The following NCOR2 variants were observed in gnomAD, a reference collection of about 807,000 sequenced individuals.
The protein encoded by NCOR2 is CTG repeat protein 26.
In NCOR2, 81 loss-of-function variants were observed where a neutral mutation model predicts 262.9. The observed-to-expected ratio is 0.31, with a 90% confidence interval of 0.26 to 0.37. NCOR2 has a LOEUF of 0.37. Ranked by LOEUF, NCOR2 falls within the 10% of genes least tolerant of loss-of-function variation. The pLI is 1.00. For synonymous variants in NCOR2, 1,659 were observed against 1,559.3 expected, an observed-to-expected ratio of 1.06 and a Z score of -1.51; for missense variants, 3,385 against 3,621.4, an observed-to-expected ratio of 0.93 and a Z score of 1.68.
chr12:124,510,667 G>A (rs750099721), intron 1 of NCOR2, among the ~76,000 whole-genome samples: 1 of 152,196 alleles, frequency 6.6e-6, no homozygotes, highest in African/African-American at 2.4e-5. Context: ...TAGGTTAGAG[G>A]AGACTGTTGT....
intron 1 of NCOR2, among the ~76,000 whole-genome samples, chr12:124,565,500 G>C (rs2052208025): frequency 6.6e-6 from 1 of 152,068 alleles, no homozygotes; most frequent in African/African-American, 2.4e-5. Context: ...ATCCTCTCCG[G>C]ACAAGCAGAG....
rs534223804 is a variant in NCOR2, at chr12:124,367,223, G to A, written c.2808-3424C>T. Among the ~76,000 whole-genome samples the A allele has an allele frequency of 4.6e-5, 7 of 152,278 alleles. No individual in the cohort carries two copies. The South Asian group carries it at 1.2e-3, about 27-fold the overall frequency. ...GTGGGCAGTCAGATTGGCAGGGGGT[G>A]AGCGGGGGCAGGGGCTGCTGCCCAG... is the stretch of plus-strand genomic sequence containing the variant. On this transcript the variant is annotated intron_variant, in intron 20 of 46. Coordinates refer to ENST00000405201, the Ensembl canonical transcript of NCOR2.
chr12:124,490,925 G>C (rs1045011237), intron 1 of NCOR2, among the ~76,000 whole-genome samples: 7 of 152,234 alleles, frequency 4.6e-5, no homozygotes, highest in Non-Finnish European at 1.0e-4. Flanking sequence ...TGTGCAGTGG[G>C]ACCCCATATC....
At chr12:124,348,010 CGAT>C (rs2037089481) in intron 29 of NCOR2, 99 bp from the exon 32 acceptor site, 3 of 1,460,180 alleles carry the variant, frequency 2.1e-6, no homozygotes, top group East Asian at 2.5e-5. Flanking sequence ...GTCATCCCCA[CGAT>C]GATGGTGGAG....
At chr12:124,342,555 G>T (rs1182471532) in intron 33 of NCOR2, among the ~76,000 whole-genome samples, 1 of 151,878 alleles carries the variant, frequency 6.6e-6, no homozygotes, top group Non-Finnish European at 1.5e-5. Context: ...TTTTTAGTAG[G>T]GACGGGGTTT....
intron 1 of NCOR2, among the ~76,000 whole-genome samples, chr12:124,561,225 T>G (rs908086967): frequency 1.1e-4 from 16 of 152,188 alleles, no homozygotes; most frequent in Middle Eastern, 3.2e-3. Context: ...AGGAAGGATG[T>G]GGGAAGACGG....
At chr12:124,435,991 C>T (rs114772988) in intron 8 of NCOR2, among the ~76,000 whole-genome samples, 2,441 of 152,374 alleles carry the variant, frequency 0.016, 61 homozygotes, top group African/African-American at 0.055. Context: ...AGAGCGCCTG[C>T]AACACAACAG....
At position 124,355,471 on chromosome 12, in the gene NCOR2, G is replaced by A. The variant is rs773395912; in HGVS notation, c.3342C>T (p.His1114=). Residue 1114 remains histidine (H), a synonymous_variant, in exon 24 of 47, where the codon CAC becomes CAT. Transcript: ENST00000405201. Reference sequence around the variant, plus strand: ...CTATTTGCCTCTCGAGGACGCTGGGGTGCTTGGCAGAGGAGATGAGGGGAG... The same window carrying A: ...CTATTTGCCTCTCGAGGACGCTGGGATGCTTGGCAGAGGAGATGAGGGGAG... The A allele has an allele frequency of 5.6e-6, 9 of 1,613,164 alleles. No homozygotes were observed. In the Admixed American group the frequency reaches 1.5e-4, roughly 27 times the overall value.
chr12:124,431,444 A>G lies in NCOR2; in HGVS notation c.883-657T>C, dbSNP rs572059686. On this transcript the variant is annotated intron_variant, in intron 8 of 46. Transcript: ENST00000405201. ...GACAGACACACAGTCACACAGGCAG[A>G]CAGACAGTCATATAGGCAGATACAC... Among the ~76,000 whole-genome samples, 156 of 146,056 alleles carry G rather than the reference A, an allele frequency of 1.1e-3. 1 individual carries two copies. The highest frequency in any genetic ancestry group is 4.1e-3 in the African/African-American group (149 of 36,062).
chr12:124,378,140 A>T lies in NCOR2; in HGVS notation c.2167+97T>A. The T allele has an allele frequency of 6.5e-7, 1 of 1,531,922 alleles. No individual in the cohort carries two copies. The highest frequency in any genetic ancestry group is 1.4e-5 in the African/African-American group (1 of 72,588). 94.9% of individuals were successfully genotyped at this position (1,531,922 alleles called of 1,614,324 possible). A position where few individuals can be genotyped will look rare whatever the true frequency, so the allele number is the denominator to read the frequency against. Reference sequence around the variant, plus strand: ...CTTCTAAGGAGGACCCAGATGACTCAGGGGAGAGGAGGCTGCCGGGATCAG... The same window carrying T: ...CTTCTAAGGAGGACCCAGATGACTCTGGGGAGAGGAGGCTGCCGGGATCAG... On this transcript the variant is annotated intron_variant, in intron 18 of 46. Transcript: ENST00000405201. This position sits in a 1 kb window ranked among gnomAD's most constrained non-coding sequence, Gnocchi z 4.2.
In NCOR2 at chr12:124,566,500, C is replaced by T. The variant is rs1019732929; in HGVS notation, c.-165+808G>A. Among the ~76,000 whole-genome samples the T allele has an allele frequency of 9.8e-5, 15 of 152,334 alleles. No homozygotes were observed. The highest frequency in any genetic ancestry group is 1.5e-4 in the Non-Finnish European group (10 of 68,022). On this transcript the variant is annotated intron_variant, in intron 1 of 32. Transcript: ENST00000458234. This position sits in a 1 kb window ranked among gnomAD's most constrained non-coding sequence, Gnocchi z 4.3. Reference sequence around the variant, plus strand: ...AGTGTCTGGGGCGGGGAGGGCGTACCCCACGGGTGCCCTCACTCCCCGCAG... The same window carrying T: ...AGTGTCTGGGGCGGGGAGGGCGTACTCCACGGGTGCCCTCACTCCCCGCAG...
chr12:124,337,240 C>T (rs1050575506), intron 37 of NCOR2, 60 bp from the exon 40 acceptor site: 1 of 1,512,866 alleles, frequency 6.6e-7, no homozygotes, highest in African/African-American at 1.4e-5. Context: ...CTCCACCACC[C>T]TCGATGAGTC....
intron 44 of NCOR2, among the ~76,000 whole-genome samples, chr12:124,328,205 G>T (rs202088442): frequency 1.8e-3 from 9 of 5,000 alleles, no homozygotes; most frequent in Admixed American, 4.7e-3. Flanking sequence ...CCACCTGTGT[G>T]ATGGGACGTG....
rs559136945 is a variant in NCOR2, at chr12:124,481,369, G to A, written c.411+2227C>T. Among the ~76,000 whole-genome samples the A allele has an allele frequency of 3.3e-5, 5 of 152,104 alleles. No homozygotes were observed. The highest frequency in any genetic ancestry group is 1.3e-4 in the Admixed American group (2 of 15,278). ...GGCCACAGAGACCCCCTTCAAGGCC[G>A]GCAGGGCCCCTGTGGCTGAATCTCA... On this transcript the variant is annotated intron_variant, in intron 3 of 46. Coordinates refer to ENST00000405201, the Ensembl canonical transcript of NCOR2. The surrounding 1 kb of genome is among the most constrained non-coding windows in gnomAD (Gnocchi z 4.6).
At position 124,481,437 on chromosome 12, in the gene NCOR2, T is replaced by G. The variant is rs1300153685; in HGVS notation, c.411+2159A>C. 6.6e-6 allele frequency among the ~76,000 whole-genome samples: 1 copy of G among 151,996 alleles called. No homozygotes were observed. Among genetic ancestry groups the G allele is most frequent in the Non-Finnish European group, 1.5e-5 (1 of 67,970 alleles). On this transcript the variant is annotated intron_variant, in intron 3 of 46. Transcript: ENST00000405201. The surrounding 1 kb of genome is among the most constrained non-coding windows in gnomAD (Gnocchi z 4.6). ...GTGGGGCTGCAGCCTCAGCCATGAG[T>G]GGCCTCGAGAGTCCCCACAGGGCTA...
At chr12:124,565,237 C>G (rs2052197526) in intron 1 of NCOR2, among the ~76,000 whole-genome samples, 1 of 152,124 alleles carries the variant, frequency 6.6e-6, no homozygotes, top group Non-Finnish European at 1.5e-5. Context: ...GGGCTGGGGC[C>G]TGCTGCGCTC....
intron 39 of NCOR2, 80 bp from the exon 42 acceptor site, chr12:124,335,360 G>C: frequency 2.0e-6 from 3 of 1,501,232 alleles, no homozygotes; most frequent in South Asian, 1.3e-5. Flanking sequence ...CCATGCCTTT[G>C]AGCCTCATGA....
At position 124,430,653 on chromosome 12, in the gene NCOR2, C is replaced by A. The variant is rs1183978827; in HGVS notation, c.1017G>T (p.Glu339Asp). 11 of 1,613,894 alleles carry A rather than the reference C, an allele frequency of 6.8e-6. No individual in the cohort carries two copies. Among genetic ancestry groups the A allele is most frequent in the Non-Finnish European group, 8.5e-6 (10 of 1,179,916 alleles). The change falls in exon 9 of 47, where the codon GAG becomes GAT. Residue 339 changes from glutamate to aspartate, a missense_variant. This residue lies in a region of NCOR2 where 515 missense variants were observed against 781.2 expected (regional missense o/e 0.66). Transcript: ENST00000405201. ...CCTGCAGCTCGCGCTGCTTGCGGAT[C>A]TCAGGGAACTGCTTCTCGTAGTACT...
At chr12:124,488,958 C>T (rs1265938339) in intron 1 of NCOR2, among the ~76,000 whole-genome samples, 5 of 151,718 alleles carry the variant, frequency 3.3e-5, no homozygotes, top group African/African-American at 9.7e-5. Flanking sequence ...TCTTGGGTGC[C>T]GTTTCTGCCC....
Sources: gnomAD v4.1 joint callset for allele counts (sites outside exome capture counted in the v4.1 genomes callset) on GRCh38, gnomAD v4.1.1 for gene constraint, gnomAD v4.1.1 regional missense constraint, Gnocchi (gnomAD v3.1) non-coding constraint, MANE v1.5 for transcripts, NCBI Gene and HGNC (gene_info 2026-07-23, HGNC 2026-07-21) for gene names.